The following IRF8 variants were observed in gnomAD, a reference collection of about 807,000 sequenced individuals.
IRF8 encodes the protein interferon consensus sequence binding protein 1.
IRF8 carries 14 observed loss-of-function variants against 48.7 expected under a neutral mutation model. That is an observed-to-expected ratio of 0.29 (90% CI 0.19 to 0.45). The LOEUF (loss-of-function observed/expected upper bound fraction) is 0.45. IRF8 is among the 20% of genes least tolerant of loss of function. The pLI, the probability that IRF8 is intolerant of heterozygous loss-of-function variation, is 1.00. For missense variants in IRF8, 493 were observed against 580.7 expected, an observed-to-expected ratio of 0.85 and a Z score of 1.55; for synonymous variants, 278 against 227.3, an observed-to-expected ratio of 1.22 and a Z score of -2.01.
intron 2 of IRF8, among the ~76,000 whole-genome samples, 168 bp from the exon 3 acceptor site, chr16:85,908,822 G>T (rs1214897862): frequency 6.6e-6 from 1 of 152,168 alleles, no homozygotes; most frequent in African/African-American, 2.4e-5. Flanking sequence ...GATGTGAAAA[G>T]ACTCAAGACA....
chr16:85,907,819 T>C (rs1306338064), intron 2 of IRF8, among the ~76,000 whole-genome samples: 1 of 151,866 alleles, frequency 6.6e-6, no homozygotes, highest in Non-Finnish European at 1.5e-5. Flanking sequence ...GGGCAGGGGG[T>C]TGGTATATGC....
At chr16:85,902,513 C>T (rs537155295) in intron 1 of IRF8, among the ~76,000 whole-genome samples, 31 of 152,364 alleles carry the variant, frequency 2.0e-4, no homozygotes, top group African/African-American at 7.2e-4. Flanking sequence ...ATGGGCTGGC[C>T]TGAGGGCCTC....
At chr16:85,909,505 G>A (rs1054520889) in intron 3 of IRF8, 11 of 358,720 alleles carry the variant, frequency 3.1e-5, no homozygotes, top group South Asian at 1.2e-4. Context: ...GGAGGCCAGG[G>A]GAAAATATGG....
chr16:85,918,298 A>G, intron 6 of IRF8, 119 bp from the exon 7 acceptor site: 1 of 1,158,624 alleles, frequency 8.6e-7, no homozygotes, highest in East Asian at 2.4e-5. Flanking sequence ...CAGAATATCA[A>G]AGTGGTTCAA....
In IRF8 at chr16:85,911,629, C is replaced by T. The variant is rs752999095; in HGVS notation, c.418C>T (p.Arg140Cys). 13 of 1,613,988 alleles carry T rather than the reference C, an allele frequency of 8.1e-6. No homozygotes were observed. The highest frequency in any genetic ancestry group is 1.7e-4 in the Middle Eastern group (1 of 6,060). ...VNEVTEMECG[R>C]SEIDELIKEP... Reference sequence around the variant, plus strand: ...TGAAGTTACAGAGATGGAGTGCGGTCGCTCTGAAATCGACGAGCTGATCAA... The same window carrying T: ...TGAAGTTACAGAGATGGAGTGCGGTTGCTCTGAAATCGACGAGCTGATCAA... Residue 140 changes from arginine to cysteine, a missense_variant, in exon 4 of 9, where the codon CGC becomes TGC. Around this residue, in one of 3 missense-constraint regions of IRF8, gnomAD observed 408 missense variants for 449.6 expected, o/e 0.91. Coordinates refer to ENST00000268638, the MANE Select transcript of IRF8 (RefSeq NM_002163.4).
rs200617822 is a variant in IRF8 at position 85,909,191 on chromosome 16, G to T, written c.358+18G>T. On this transcript the variant is annotated intron_variant, in intron 3 of 8. Coordinates refer to ENST00000268638, the MANE Select transcript of IRF8 (RefSeq NM_002163.4). Reference sequence around the variant, plus strand: ...GCAAAAATGTAACTATCCTTTATGGGCATGAAACCTTCCAGAAGCTGCCCT... The same window carrying T: ...GCAAAAATGTAACTATCCTTTATGGTCATGAAACCTTCCAGAAGCTGCCCT... 4 of 1,611,452 alleles carry T rather than the reference G, an allele frequency of 2.5e-6. No homozygotes were observed. The South Asian group carries it at 4.4e-5, about 18-fold the overall frequency.
rs1335881215 is a variant in IRF8, at chr16:85,918,790, C to T, written c.975C>T (p.Ser325=). Residue 325 remains serine, a synonymous_variant, in exon 7 of 9, where the codon AGC becomes AGT. Transcript: ENST00000268638. ...RDEVVQVFDT[S]QFFRELQQFY... ...AGGTGGTCCAGGTCTTCGACACCAG[C>T]CAGTTCTTCCGAGGTCTGTACCGTC... The T allele has an allele frequency of 1.2e-6, 2 of 1,609,192 alleles. No individual in the cohort carries two copies. The highest frequency in any genetic ancestry group is 8.5e-7 in the Non-Finnish European group (1 of 1,180,016).
At chr16:85,920,317 G>C (rs1442780413) in intron 8 of IRF8, 93 bp downstream of exon 8, 1 of 841,624 alleles carries the variant, frequency 1.2e-6, no homozygotes, top group East Asian at 2.8e-5. Context: ...CGTGACCTTG[G>C]CTCACTGCAA....
Position 85,920,219 on chromosome 16 carries a change from G to C in IRF8, c.1099G>C (p.Val367Leu), listed in dbSNP as rs1200900321. The change falls in exon 8 of 9, where the codon GTG becomes CTG. Residue 367 changes from valine to leucine, a missense_variant. Around this residue, in one of 3 missense-constraint regions of IRF8, gnomAD observed 408 missense variants for 449.6 expected, o/e 0.91. Transcript: ENST00000268638. ...CCCCTTGCGCTCCAAACTCATTCTC[G>C]TGCAGGTAAGTATGGGCAGCTTTTT... ...MAPLRSKLIL[V>L]QIEQLYVRQL... is the part of the protein sequence containing the mutation. 2.0e-6 allele frequency: 3 copies of C among 1,490,178 alleles called. No homozygotes were observed. The highest frequency in any genetic ancestry group is 2.8e-6 in the Non-Finnish European group (3 of 1,069,416). The allele number at this position is 1,490,178 out of a possible 1,614,324, so 92.3% of individuals were successfully genotyped here. A position where few individuals can be genotyped will look rare whatever the true frequency, so the allele number is the denominator to read the frequency against.
At chr16:85,901,696 A>C (rs1226819312) in intron 1 of IRF8, among the ~76,000 whole-genome samples, 2 of 152,156 alleles carry the variant, frequency 1.3e-5, no homozygotes, top group East Asian at 3.8e-4. Flanking sequence ...GAATTTAAGA[A>C]ATCCCACCTC....
intron 7 of IRF8, among the ~76,000 whole-genome samples, chr16:85,919,880 A>G (rs1043549112): frequency 6.6e-5 from 10 of 152,248 alleles, no homozygotes; most frequent in African/African-American, 9.6e-5. Flanking sequence ...AGCTGTGCCC[A>G]TGGAGAGGCG....
intron 5 of IRF8, chr16:85,914,143 T>G: frequency 2.6e-6 from 1 of 387,998 alleles, no homozygotes; most frequent in Non-Finnish European, 4.9e-6. Context: ...CCCTGGGTGG[T>G]GGGTATGCAG....
chr16:85,917,187 C>T (rs1038493760), intron 6 of IRF8, among the ~76,000 whole-genome samples: 1 of 152,114 alleles, frequency 6.6e-6, no homozygotes, highest in Non-Finnish European at 1.5e-5. Context: ...TAGGGGGCGC[C>T]GTGGAGTTAG....
chr16:85,916,361 C>G lies in IRF8; in HGVS notation c.601+1841C>G, dbSNP rs543498060. ...GCTGCGGGTGTCTTTGTTGCTGCCT[C>G]TGTGGTCAGGCCGTTCCCCAGCAAG... is the stretch of plus-strand genomic sequence containing the variant. On this transcript the variant is annotated intron_variant, in intron 6 of 8. Transcript: ENST00000268638. Among the ~76,000 whole-genome samples the G allele has an allele frequency of 2.0e-5, 3 of 152,362 alleles. No homozygotes were observed. The East Asian group carries it at 5.8e-4, about 29-fold the overall frequency.
At chr16:85,912,389 ATTC>A (rs1292393140) in intron 4 of IRF8, among the ~76,000 whole-genome samples, 8 of 152,364 alleles carry the variant, frequency 5.3e-5, no homozygotes, top group Middle Eastern at 3.4e-3. Context: ...TACTGCATAA[ATTC>A]TTCTTCTTAA....
At chr16:85,907,921 A>G (rs1342344821) in intron 2 of IRF8, among the ~76,000 whole-genome samples, 2 of 152,062 alleles carry the variant, frequency 1.3e-5, no homozygotes, top group African/African-American at 4.8e-5. Flanking sequence ...TGGCCTTGGG[A>G]AAGTTACTTA....
chr16:85,912,617 G>C (rs369182551), intron 4 of IRF8, among the ~76,000 whole-genome samples: 3 of 152,238 alleles, frequency 2.0e-5, no homozygotes, highest in East Asian at 3.8e-4. Flanking sequence ...TCAGCTGAGA[G>C]AGTGAGATAA....
At chr16:85,911,104 G>A (rs569350005) in intron 3 of IRF8, among the ~76,000 whole-genome samples, 16 of 152,302 alleles carry the variant, frequency 1.1e-4, no homozygotes, top group African/African-American at 3.8e-4. Flanking sequence ...TGATGCACAT[G>A]TGTATATTTG....
intron 5 of IRF8, 29 bp from the exon 6 acceptor site, chr16:85,914,444 C>G (rs368631700): frequency 1.2e-6 from 2 of 1,614,118 alleles, no homozygotes; most frequent in Non-Finnish European, 8.5e-7. Flanking sequence ...CTGGGTGGCT[C>G]TGAGCTTGCT....
Sources: gnomAD v4.1 joint callset for allele counts (sites outside exome capture counted in the v4.1 genomes callset) on GRCh38, gnomAD v4.1.1 for gene constraint, gnomAD v4.1.1 regional missense constraint, MANE v1.5 for transcripts, NCBI Gene and HGNC (gene_info 2026-07-23, HGNC 2026-07-21) for gene names.